Variants in UNC5D observed in about 807,000 individuals in gnomAD.
UNC5D encodes the protein netrin receptor UNC5D.
In UNC5D, 39 loss-of-function variants were observed where a neutral mutation model predicts 105.4. The observed-to-expected ratio is 0.37, with a 90% CI of 0.29 to 0.48. The LOEUF (loss-of-function observed/expected upper bound fraction) is 0.48, where lower values mean the gene tolerates loss of function less well. Ranked by LOEUF, UNC5D falls within the 20% of genes least tolerant of loss-of-function variation. The pLI, the probability that UNC5D is intolerant of heterozygous loss-of-function variation, is 0.98. For synonymous variants in UNC5D, 452 were observed against 450.4 expected (o/e 1.00, Z -0.04); for missense variants, 991 against 1,202.4 (o/e 0.82, Z 2.60).
chr8:35,760,962 A>C (rs1339786782), intron 14 of UNC5D, among the ~76,000 whole-genome samples: 1 of 152,088 alleles, frequency 6.6e-6, no homozygotes, highest in African/African-American at 2.4e-5. Context: ...TTTCAGACTT[A>C]TTACCTGAGG....
chr8:35,528,198 C>G (rs896982344), intron 1 of UNC5D, among the ~76,000 whole-genome samples: 2 of 150,264 alleles, frequency 1.3e-5, no homozygotes, highest in African/African-American at 4.9e-5. Context: ...CCTCCCCGCT[C>G]CCCCCACCCC....
chr8:35,502,501 G>C (rs1430572657), intron 1 of UNC5D, among the ~76,000 whole-genome samples: 1 of 152,098 alleles, frequency 6.6e-6, no homozygotes, highest in Non-Finnish European at 1.5e-5. Context: ...AAATGGATTT[G>C]AGTTCTTTCT....
chr8:35,750,285 AACCCC>A (rs1491538189), intron 12 of UNC5D, among the ~76,000 whole-genome samples: 1 of 52,982 alleles, frequency 1.9e-5, no homozygotes, highest in Non-Finnish European at 3.7e-5. Context: ...CCCGCCCCCC[AACCCC>A]ACCCCACCCC....
chr8:35,434,737 T>G (rs1396441054), intron 1 of UNC5D, among the ~76,000 whole-genome samples: 2 of 152,114 alleles, frequency 1.3e-5, no homozygotes, highest in Non-Finnish European at 2.9e-5. Flanking sequence ...ATACCAAAAT[T>G]TAAAAGCAAG....
intron 3 of UNC5D, among the ~76,000 whole-genome samples, chr8:35,591,477 C>G (rs1450797138): frequency 6.6e-6 from 1 of 152,054 alleles, no homozygotes; most frequent in Non-Finnish European, 1.5e-5. Flanking sequence ...TGCCTCATAT[C>G]CAATGAGTCA....
At chr8:35,395,239 C>T (rs989487130) in intron 1 of UNC5D, among the ~76,000 whole-genome samples, 29 of 152,168 alleles carry the variant, frequency 1.9e-4, no homozygotes, top group African/African-American at 6.8e-4. Context: ...TCTATTATTA[C>T]TACTTTCTGC....
intron 1 of UNC5D, among the ~76,000 whole-genome samples, chr8:35,278,543 C>A (rs1177108673): frequency 6.6e-6 from 1 of 151,828 alleles, no homozygotes; most frequent in Non-Finnish European, 1.5e-5. Flanking sequence ...CCTAGAGAAC[C>A]AAATTTCATT....
intron 1 of UNC5D, among the ~76,000 whole-genome samples, chr8:35,288,668 A>G (rs767409658): frequency 2.0e-5 from 3 of 152,230 alleles, no homozygotes; most frequent in African/African-American, 7.2e-5. Context: ...AATTGTTGAG[A>G]TAGAAATTAC....
intron 3 of UNC5D, among the ~76,000 whole-genome samples, chr8:35,579,915 C>T (rs1818361778): frequency 6.6e-6 from 1 of 152,158 alleles, no homozygotes; most frequent in South Asian, 2.1e-4. Context: ...TTGCACCAAT[C>T]TTTGAGAGTG....
intron 16 of UNC5D, among the ~76,000 whole-genome samples, chr8:35,780,660 A>G (rs1197840185): frequency 6.6e-6 from 1 of 152,224 alleles, no homozygotes; most frequent in Non-Finnish European, 1.5e-5. Flanking sequence ...AAGTGTGGTT[A>G]CTTGGTGACT....
At chr8:35,586,528 T>C (rs1818804639) in intron 3 of UNC5D, among the ~76,000 whole-genome samples, 1 of 152,198 alleles carries the variant, frequency 6.6e-6, no homozygotes, top group Non-Finnish European at 1.5e-5. Context: ...TCCGGTTTGC[T>C]GGCATGCACC....
intron 4 of UNC5D, among the ~76,000 whole-genome samples, chr8:35,613,961 T>A (rs1469020030): frequency 6.6e-6 from 1 of 152,262 alleles, no homozygotes; most frequent in East Asian, 1.9e-4. Flanking sequence ...CAAGTCACTC[T>A]GAGCTAAAGA....
At chr8:35,428,974 G>A (rs188493846) in intron 1 of UNC5D, among the ~76,000 whole-genome samples, 1 of 152,178 alleles carries the variant, frequency 6.6e-6, no homozygotes, top group Admixed American at 6.5e-5. Context: ...TGAGAAAATG[G>A]GAGATGTGAC....
intron 4 of UNC5D, among the ~76,000 whole-genome samples, chr8:35,630,279 T>A (rs1046345262): frequency 1.3e-5 from 2 of 152,232 alleles, no homozygotes; most frequent in African/African-American, 4.8e-5. Context: ...TATCCAATGA[T>A]CTACAACTGT....
intron 1 of UNC5D, among the ~76,000 whole-genome samples, chr8:35,468,484 T>C (rs997046837): frequency 2.6e-5 from 4 of 152,190 alleles, no homozygotes; most frequent in Non-Finnish European, 4.4e-5. Context: ...TGAGTTGAAA[T>C]GAGTTGTCAA....
chr8:35,502,248 A>G (rs1294828125), intron 1 of UNC5D, among the ~76,000 whole-genome samples: 2 of 152,228 alleles, frequency 1.3e-5, no homozygotes, highest in Non-Finnish European at 2.9e-5. Flanking sequence ...AAACAGTCCA[A>G]TGGTGGGTGA....
intron 1 of UNC5D, among the ~76,000 whole-genome samples, chr8:35,464,519 G>A (rs1809153202): frequency 6.6e-6 from 1 of 152,102 alleles, no homozygotes; most frequent in Non-Finnish European, 1.5e-5. Context: ...AGTCATCTTT[G>A]CTGACTGCTC....
At chr8:35,602,345 T>TATTGATTG (rs1263020875) in intron 4 of UNC5D, among the ~76,000 whole-genome samples, 5 of 152,202 alleles carry the variant, frequency 3.3e-5, no homozygotes, top group African/African-American at 1.2e-4. Context: ...CTCTTTTTTC[T>TATTGATTG]ATTGATTGGA....
chr8:35,310,417 C>T (rs968035540), intron 1 of UNC5D, among the ~76,000 whole-genome samples: 7 of 152,030 alleles, frequency 4.6e-5, no homozygotes, highest in African/African-American at 1.7e-4. Flanking sequence ...GTCAGGAGTT[C>T]GAGATCAACC....
Sources: allele counts gnomAD v4.1 joint callset (sites outside exome capture counted in the v4.1 genomes callset), GRCh38; gene constraint gnomAD v4.1.1; transcripts MANE v1.5; gene names NCBI Gene and HGNC (gene_info 2026-07-23, HGNC 2026-07-21).